DSG4: variants seen among roughly 807,000 people sequenced by gnomAD.
The protein encoded by DSG4 is desmoglein-4.
In DSG4, 87 loss-of-function variants were observed where a neutral mutation model predicts 93.1. The observed-to-expected ratio is 0.93, with a 90% CI of 0.79 to 1.12. DSG4 has a LOEUF of 1.12. Ranked by LOEUF, DSG4 falls within the 50% of genes most tolerant of loss-of-function variation. The probability of loss-of-function intolerance (pLI) is 0.00; values close to 1 mark genes in which losing one functional copy is unlikely to be tolerated. For missense variants in DSG4, 1,373 were observed against 1,285.7 expected, an observed-to-expected ratio of 1.07 and a Z score of -1.04; for synonymous variants, 432 against 452.9, an observed-to-expected ratio of 0.95 and a Z score of 0.59.
chr18:31,395,626 C>T lies in DSG4; in HGVS notation c.1005+3286C>T, dbSNP rs118115028. Among the ~76,000 whole-genome samples the T allele has an allele frequency of 1.1e-3, 169 of 152,252 alleles. 6 individuals carry two copies. In the East Asian group the frequency reaches 0.029, roughly 26 times the overall value. ...CTCTTACACCTTCTCCATTTTCATT[C>T]GGGATACCCCTTAACCCTGAGGAAA... On this transcript the variant is annotated intron_variant, in intron 8 of 15. Transcript: ENST00000308128.
chr18:31,382,458 G>C (rs1329454094), intron 1 of DSG4: 1 of 152,200 alleles, frequency 6.6e-6, no homozygotes, highest in Non-Finnish European at 1.5e-5. Context: ...AAAGGCTTTT[G>C]TAGGCAAGGA....
At chr18:31,394,296 G>A (rs1034019307) in intron 8 of DSG4, among the ~76,000 whole-genome samples, 9 of 152,140 alleles carry the variant, frequency 5.9e-5, no homozygotes, top group African/African-American at 1.2e-4. Context: ...CAATAACACC[G>A]GCCTGGCAAA....
At chr18:31,407,334 G>A (rs1288873140) in intron 12 of DSG4, among the ~76,000 whole-genome samples, 1 of 152,214 alleles carries the variant, frequency 6.6e-6, no homozygotes, top group Non-Finnish European at 1.5e-5. Context: ...CCCTGCGGTA[G>A]GAAGCAAGTA....
intron 10 of DSG4, among the ~76,000 whole-genome samples, chr18:31,401,393 G>C (rs1234083375): frequency 6.6e-6 from 1 of 152,142 alleles, no homozygotes; most frequent in Admixed American, 6.5e-5. Flanking sequence ...GGATCACCTT[G>C]TGGGAAAGCA....
Position 31,403,548 on chromosome 18 carries a change from A to G in DSG4, c.1550A>G (p.Glu517Gly), listed in dbSNP as rs1239195227. Residue 517 changes from glutamate to glycine, a missense_variant, in exon 11 of 16, where the codon GAA becomes GGA. By Grantham distance (98) the Glu-to-Gly change is moderately conservative (BLOSUM62 -2). Coordinates refer to ENST00000308128, the MANE Select transcript of DSG4 (RefSeq NM_177986.5). ...DSPSVLISVN[E>G]HSYGSPFTFC... ...CCATCAGTCCTTATCTCTGTTAATG[A>G]ACATTCTTATGGGTCTCCGTTTACT... 6.2e-7 allele frequency: 1 copy of G among 1,613,982 alleles called. No homozygotes were observed.
intron 10 of DSG4, chr18:31,401,599 C>T (rs2072367727): frequency 1.3e-5 from 2 of 152,138 alleles, no homozygotes; most frequent in Admixed American, 1.3e-4. Flanking sequence ...AGCGAGCCAC[C>T]TCTCACATGG....
intron 1 of DSG4, among the ~76,000 whole-genome samples, chr18:31,378,024 T>C (rs755955523): frequency 1.3e-5 from 2 of 152,174 alleles, no homozygotes; most frequent in Non-Finnish European, 2.9e-5. Context: ...TGAGAGCTAC[T>C]CTTCTGGAAT....
rs979297021 is a variant in DSG4 at position 31,411,463 on chromosome 18, G to A, written c.2355+15G>A. On this transcript the variant is annotated intron_variant, in intron 15 of 15. Coordinates refer to ENST00000308128, the MANE Select transcript of DSG4 (RefSeq NM_177986.5). ...ACTTCTCGGAGGTAATGCCCTCACA[G>A]TCACACATAAAATCGTCTTGAGATT... 1.2e-6 allele frequency: 2 copies of A among 1,611,906 alleles called. No individual in the cohort carries two copies. Among genetic ancestry groups the A allele is most frequent in the Non-Finnish European group, 1.7e-6 (2 of 1,179,838 alleles).
In DSG4 at chr18:31,399,464, G is replaced by A. The variant is rs35378785; in HGVS notation, c.1198G>A (p.Gly400Arg). ...MAFSVREGIKGSSLLNYVLGT... is the reference protein window; with the variant it reads ...MAFSVREGIKRSSLLNYVLGT... ...TTTTAGTGTGCGGGAAGGAATAAAA[G>A]GAAGTTCCTTATTGAATTATGTGCT... is the stretch of plus-strand genomic sequence containing the variant. Residue 400 changes from glycine (G) to arginine (R), a missense_variant, in exon 9 of 16, where the codon GGA becomes AGA. Physicochemically the swap from Gly to Arg is moderately radical, Grantham distance 125. Transcript: ENST00000308128. 5,363 of 1,614,056 alleles carry A rather than the reference G, an allele frequency of 3.3e-3. 52 individuals carry two copies. The highest frequency in any genetic ancestry group is 0.021 in the Middle Eastern group (129 of 6,062).
intron 1 of DSG4, among the ~76,000 whole-genome samples, chr18:31,384,545 A>C (rs2072167013): frequency 6.6e-6 from 1 of 152,188 alleles, no homozygotes; most frequent in African/African-American, 2.4e-5. Flanking sequence ...ATAAGAGTTC[A>C]AGGAGTAATA....
chr18:31,405,554 A>G (rs1177275945), intron 11 of DSG4, among the ~76,000 whole-genome samples: 1 of 151,964 alleles, frequency 6.6e-6, no homozygotes, highest in Non-Finnish European at 1.5e-5. Flanking sequence ...TTATTTAAAA[A>G]TTAGTTATAA....
Position 31,385,153 on chromosome 18 carries a change from C to G in DSG4, c.66C>G (p.Asn22Lys). 2 of 1,597,976 alleles carry G rather than the reference C, an allele frequency of 1.3e-6. No homozygotes were observed. Among genetic ancestry groups the G allele is most frequent in the Non-Finnish European group, 1.7e-6 (2 of 1,170,034 alleles). Residue 22 changes from asparagine to lysine, a missense_variant, in exon 2 of 16, where the codon AAC (asparagine) becomes AAG (lysine). Transcript: ENST00000308128. ...LIILMVVMEV[N>K]SEFIVEVKEF... Reference sequence around the variant, plus strand: ...CAAAACAGGTGGTGATGGAAGTAAACAGTGAATTTATTGTTGAGGTAATGT... The same window carrying G: ...CAAAACAGGTGGTGATGGAAGTAAAGAGTGAATTTATTGTTGAGGTAATGT...
chr18:31,399,048 C>T (rs115687518), intron 8 of DSG4, among the ~76,000 whole-genome samples: 2,341 of 152,180 alleles, frequency 0.015, 49 homozygotes, highest in African/African-American at 0.044. Flanking sequence ...AATTTAAAAT[C>T]ACAGCCTTAA....
At chr18:31,409,003 T>A (rs960088076) in intron 12 of DSG4, among the ~76,000 whole-genome samples, 1 of 152,236 alleles carries the variant, frequency 6.6e-6, no homozygotes, top group African/African-American at 2.4e-5. Flanking sequence ...GAGTATTATT[T>A]GACTTCTATT....
intron 8 of DSG4, among the ~76,000 whole-genome samples, chr18:31,397,168 GCT>G (rs2072314717): frequency 6.6e-6 from 1 of 152,152 alleles, no homozygotes; most frequent in African/African-American, 2.4e-5. Flanking sequence ...TCTAAGCGTA[GCT>G]TCTATACTAC....
At chr18:31,393,450 T>C (rs1458197832) in intron 8 of DSG4, among the ~76,000 whole-genome samples, 1 of 152,122 alleles carries the variant, frequency 6.6e-6, no homozygotes, top group Non-Finnish European at 1.5e-5. Context: ...CTTACAATCA[T>C]TGTGGAAGGC....
chr18:31,399,976 A>G (rs1010327973), intron 9 of DSG4, among the ~76,000 whole-genome samples: 1 of 152,212 alleles, frequency 6.6e-6, no homozygotes, highest in African/African-American at 2.4e-5. Context: ...TCTAAGAGAA[A>G]AACCACAATC....
chr18:31,381,088 A>C (rs1460812208), intron 1 of DSG4, among the ~76,000 whole-genome samples: 1 of 152,206 alleles, frequency 6.6e-6, no homozygotes, highest in Non-Finnish European at 1.5e-5. Flanking sequence ...AGTGTCTGTC[A>C]CATGCTTTGT....
chr18:31,390,541 A>G, intron 5 of DSG4, 115 bp from the exon 6 acceptor site: 1 of 1,237,848 alleles, frequency 8.1e-7, no homozygotes, highest in Non-Finnish European at 1.2e-6. Context: ...CCCATGGAAA[A>G]CTCAAACAGA....
Sources: allele counts gnomAD v4.1 joint callset (sites outside exome capture counted in the v4.1 genomes callset), GRCh38; gene constraint gnomAD v4.1.1; transcripts MANE v1.5; gene names NCBI Gene and HGNC (gene_info 2026-07-23, HGNC 2026-07-21).